Variants in LAMA2 observed in about 807,000 individuals in gnomAD.
LAMA2 encodes the protein laminin subunit alpha-2.
Under a neutral mutation model 364.8 loss-of-function variants are expected in LAMA2, and 269 were observed. That is an observed-to-expected ratio of 0.74 (90% CI 0.67 to 0.82). The LOEUF (loss-of-function observed/expected upper bound fraction) is 0.82, where lower values mean the gene tolerates loss of function less well. LAMA2 is among the 40% of genes least tolerant of loss of function. The pLI is 0.00. For missense variants in LAMA2, 3,807 were observed against 3,873.2 expected, an observed-to-expected ratio of 0.98 and a Z score of 0.45; for synonymous variants, 1,379 against 1,370.6, an observed-to-expected ratio of 1.01 and a Z score of -0.14.
At position 129,155,143 on chromosome 6, in the gene LAMA2, C is replaced by A. The variant is rs1779032805; in HGVS notation, c.1206+460C>A. Reference sequence around the variant, plus strand: ...AACATATCAAAATTTTAAATCCATTCTCCTGTTGATAGAAATTAGGATCAT... The same window carrying A: ...AACATATCAAAATTTTAAATCCATTATCCTGTTGATAGAAATTAGGATCAT... On this transcript the variant is annotated intron_variant, in intron 8 of 64. Coordinates refer to ENST00000421865, the MANE Select transcript of LAMA2 (RefSeq NM_000426.4). 2.6e-5 allele frequency among the ~76,000 whole-genome samples: 4 copies of A among 152,096 alleles called. No individual in the cohort carries two copies. In the South Asian group the frequency reaches 8.3e-4, roughly 32 times the overall value.
intron 1 of LAMA2, among the ~76,000 whole-genome samples, chr6:128,888,793 G>A (rs931076888): frequency 1.3e-5 from 2 of 152,120 alleles, no homozygotes; most frequent in Admixed American, 1.3e-4. Context: ...GAGATGAGGA[G>A]GCATCGGTGA....
chr6:129,481,556 G>A lies in LAMA2; in HGVS notation c.7749+117G>A, dbSNP rs17752001. On this transcript the variant is annotated intron_variant, in intron 55 of 64. Transcript: ENST00000421865. ...TTCTGCTCTCATCTTGGCTAGCAAG[G>A]ACTGAACATTCCATATTTCCATGCT... is the stretch of plus-strand genomic sequence containing the variant. 8,751 of 869,922 alleles carry A rather than the reference G, an allele frequency of 0.01. 80 individuals are homozygous for A. Among genetic ancestry groups the A allele is most frequent in the Non-Finnish European group, 0.013 (6,949 of 516,900 alleles). The allele number at this position is 869,922 out of a possible 1,614,324, so 53.9% of individuals were successfully genotyped here.
At chr6:129,043,297 T>C (rs1582926736) in intron 1 of LAMA2, among the ~76,000 whole-genome samples, 1 of 152,310 alleles carries the variant, frequency 6.6e-6, no homozygotes, top group East Asian at 1.9e-4. Flanking sequence ...TACAAACATA[T>C]GCAATGATGT....
intron 14 of LAMA2, among the ~76,000 whole-genome samples, chr6:129,258,637 A>G (rs1322144338): frequency 6.6e-6 from 1 of 152,038 alleles, no homozygotes; most frequent in Non-Finnish European, 1.5e-5. Context: ...AGAATTGTAC[A>G]ATTTATTTTT....
Position 129,460,175 on chromosome 6 carries a change from C to A in LAMA2, c.6868-25C>A, listed in dbSNP as rs372475409. ...TTATTTGTGAAATTCCAAATTCTAG[C>A]AAATAACGGTATTTCTTTCTGCAGA... On this transcript the variant is annotated intron_variant, in intron 48 of 64. Coordinates refer to ENST00000421865, the MANE Select transcript of LAMA2 (RefSeq NM_000426.4). 21 of 1,609,654 alleles carry A rather than the reference C, an allele frequency of 1.3e-5. No individual in the cohort carries two copies. In the African/African-American group the frequency reaches 2.4e-4, roughly 18 times the overall value.
At chr6:128,986,595 A>G (rs1369377614) in intron 1 of LAMA2, among the ~76,000 whole-genome samples, 1 of 152,000 alleles carries the variant, frequency 6.6e-6, no homozygotes. Context: ...ATAGCTCTCT[A>G]TATATCATTT....
chr6:129,204,142 G>A (rs1458315173), intron 12 of LAMA2, among the ~76,000 whole-genome samples: 8 of 152,224 alleles, frequency 5.3e-5, no homozygotes, highest in African/African-American at 1.9e-4. Flanking sequence ...TAGATTATAT[G>A]CCTTTAATGG....
chr6:129,157,450 A>G (rs1159425522), intron 8 of LAMA2: 1 of 1,539,656 alleles, frequency 6.5e-7, no homozygotes, highest in Non-Finnish European at 9.0e-7. Context: ...TCCTTATTCC[A>G]CTCTAATTCC....
At chr6:128,913,579 T>C (rs1778120339) in intron 1 of LAMA2, among the ~76,000 whole-genome samples, 1 of 152,202 alleles carries the variant, frequency 6.6e-6, no homozygotes, top group African/African-American at 2.4e-5. Flanking sequence ...TACTTGTAGC[T>C]TATTGCAACA....
At chr6:129,481,787 T>G (rs1393476649) in intron 55 of LAMA2, among the ~76,000 whole-genome samples, 1 of 152,198 alleles carries the variant, frequency 6.6e-6, no homozygotes, top group Non-Finnish European at 1.5e-5. Flanking sequence ...CCTTACCAAA[T>G]CTGTAGACAG....
At chr6:129,388,459 CA>C (rs1309694320) in intron 35 of LAMA2, among the ~76,000 whole-genome samples, 1 of 152,030 alleles carries the variant, frequency 6.6e-6, no homozygotes, top group East Asian at 1.9e-4. Flanking sequence ...GTATGCCATC[CA>C]AAAGATACAG....
At chr6:129,347,019 AG>A (rs1201705686) in intron 30 of LAMA2, among the ~76,000 whole-genome samples, 4 of 152,126 alleles carry the variant, frequency 2.6e-5, no homozygotes, top group East Asian at 1.9e-4. Context: ...ACAGGAGGCC[AG>A]GGTGGTTGGA....
chr6:129,241,676 G>T (rs1414778752), intron 12 of LAMA2, among the ~76,000 whole-genome samples: 2 of 152,100 alleles, frequency 1.3e-5, no homozygotes, highest in Non-Finnish European at 2.9e-5. Context: ...TTAATTTTTT[G>T]TGTGATTTAT....
At chr6:129,236,863 G>T (rs942553746) in intron 12 of LAMA2, among the ~76,000 whole-genome samples, 1 of 151,946 alleles carries the variant, frequency 6.6e-6, no homozygotes, top group Non-Finnish European at 1.5e-5. Context: ...ATTCCATATT[G>T]GATAGTTTCT....
chr6:129,202,780 GA>G (rs1782388757), intron 12 of LAMA2, among the ~76,000 whole-genome samples: 2 of 152,078 alleles, frequency 1.3e-5, no homozygotes, highest in South Asian at 4.1e-4. Flanking sequence ...CAAAACTGAA[GA>G]AAAAACAAAG....
chr6:129,458,400 C>T (rs182503126), intron 48 of LAMA2, among the ~76,000 whole-genome samples: 2 of 152,038 alleles, frequency 1.3e-5, no homozygotes, highest in Admixed American at 1.3e-4. Flanking sequence ...CTATAGCAAA[C>T]CTTAGGAAAT....
rs536158070 is a variant in LAMA2, at chr6:129,095,007, G to A, written c.397-3166G>A. On this transcript the variant is annotated intron_variant, in intron 3 of 64. Coordinates refer to ENST00000421865, the MANE Select transcript of LAMA2 (RefSeq NM_000426.4). ...CCAATGTCAAACTAATAACCATAAC[G>A]TGGAAGCACATTACAGTGATTTTGG... Among the ~76,000 whole-genome samples the A allele has an allele frequency of 4.6e-5, 7 of 152,270 alleles. No homozygotes were observed. The East Asian group carries it at 5.8e-4, about 13-fold the overall frequency.
At chr6:129,051,591 A>C (rs528049219) in intron 2 of LAMA2, among the ~76,000 whole-genome samples, 2 of 149,924 alleles carry the variant, frequency 1.3e-5, no homozygotes, top group South Asian at 4.2e-4. Flanking sequence ...TTTTTTGTTA[A>C]TATTATTTCA....
At chr6:129,055,245 G>T (rs1236818164) in intron 2 of LAMA2, among the ~76,000 whole-genome samples, 4 of 150,728 alleles carry the variant, frequency 2.7e-5, no homozygotes, top group Admixed American at 6.6e-5. Flanking sequence ...GGGCTGGAGT[G>T]CAGTGGCACA....
Sources: gnomAD v4.1 joint callset for allele counts (sites outside exome capture counted in the v4.1 genomes callset) on GRCh38, gnomAD v4.1.1 for gene constraint, MANE v1.5 for transcripts, NCBI Gene and HGNC (gene_info 2026-07-23, HGNC 2026-07-21) for gene names.